GAD2: variants seen among roughly 807,000 people sequenced by gnomAD.
GAD2 encodes the protein 65 kDa glutamic acid decarboxylase.
In GAD2, 22 loss-of-function variants were observed where a neutral mutation model predicts 80.1. That is an observed-to-expected ratio of 0.27 (90% CI 0.20 to 0.39). The LOEUF (loss-of-function observed/expected upper bound fraction) is 0.39, where lower values mean the gene tolerates loss of function less well. Ranked by LOEUF, GAD2 falls within the 10% of genes least tolerant of loss-of-function variation. GAD2 has a pLI of 1.00. For synonymous variants in GAD2, 274 were observed against 256.9 expected (o/e 1.07, Z -0.64); for missense variants, 624 against 738.4 (o/e 0.85, Z 1.80).
intron 7 of GAD2, among the ~76,000 whole-genome samples, chr10:26,244,333 A>G (rs1844780060): frequency 6.6e-6 from 1 of 152,224 alleles, no homozygotes; most frequent in South Asian, 2.1e-4. Flanking sequence ...ATGTTCTTCC[A>G]AAAGTTAAAA....
At chr10:26,263,842 C>T (rs866437062) in intron 8 of GAD2, among the ~76,000 whole-genome samples, 1 of 152,300 alleles carries the variant, frequency 6.6e-6, no homozygotes, top group Non-Finnish European at 1.5e-5. Context: ...ATTGGGGTCA[C>T]TGGACCGCTC....
At chr10:26,263,607 T>C (rs1223640913) in intron 8 of GAD2, among the ~76,000 whole-genome samples, 1 of 152,246 alleles carries the variant, frequency 6.6e-6, no homozygotes, top group Non-Finnish European at 1.5e-5. Context: ...ACGCAGTCTG[T>C]GCAATTTGAA....
intron 7 of GAD2, among the ~76,000 whole-genome samples, chr10:26,241,263 A>G (rs1018252495): frequency 6.6e-6 from 1 of 152,212 alleles, no homozygotes; most frequent in African/African-American, 2.4e-5. Context: ...GCTCATTCCC[A>G]AGCCATTTTA....
At chr10:26,237,943 G>A (rs1844694686) in intron 7 of GAD2, among the ~76,000 whole-genome samples, 1 of 151,110 alleles carries the variant, frequency 6.6e-6, no homozygotes, top group Admixed American at 6.6e-5. Context: ...GGAAGCAAAG[G>A]TTGCAGTGAG....
intron 8 of GAD2, among the ~76,000 whole-genome samples, chr10:26,260,687 T>C (rs1210142059): frequency 1.3e-5 from 2 of 152,136 alleles, no homozygotes; most frequent in African/African-American, 2.4e-5. Context: ...GTGTCTATGC[T>C]GAGTTATGAT....
At chr10:26,280,971 G>A (rs966700202) in intron 11 of GAD2, 38 bp from the exon 12 acceptor site, 1 of 1,501,960 alleles carries the variant, frequency 6.7e-7, no homozygotes, top group South Asian at 1.1e-5. Context: ...GCCTGTCAGG[G>A]TGGAGTGCCA....
At chr10:26,234,052 G>A (rs531194969) in intron 7 of GAD2, among the ~76,000 whole-genome samples, 29 of 152,186 alleles carry the variant, frequency 1.9e-4, no homozygotes, top group African/African-American at 5.8e-4. Flanking sequence ...AGCCGGGTGC[G>A]GTGGCTCACG....
At chr10:26,296,148 C>T (rs577824640) in intron 15 of GAD2, among the ~76,000 whole-genome samples, 1 of 152,276 alleles carries the variant, frequency 6.6e-6, no homozygotes, top group Non-Finnish European at 1.5e-5. Context: ...TGTATCCTCA[C>T]ATGGCAGAAA....
intron 15 of GAD2, among the ~76,000 whole-genome samples, chr10:26,294,077 T>G (rs1834247914): frequency 6.6e-6 from 1 of 152,114 alleles, no homozygotes; most frequent in Non-Finnish European, 1.5e-5. Context: ...CGAAGCGGGG[T>G]ATATGCAGGA....
chr10:26,287,245 G>A (rs1344991278), intron 13 of GAD2, among the ~76,000 whole-genome samples: 1 of 152,114 alleles, frequency 6.6e-6, no homozygotes, highest in African/African-American at 2.4e-5. Flanking sequence ...TTTGTCTCCT[G>A]TAGGAGATAA....
Position 26,273,704 on chromosome 10 carries a change from T to A in GAD2, c.1157+4T>A, listed in dbSNP as rs1485447201. On this transcript the variant is annotated splice_donor_region_variant and intron_variant, in intron 11 of 15. Coordinates refer to ENST00000376261, the MANE Select transcript of GAD2 (RefSeq NM_001134366.2). ...GGAAACTGAGTGGCGTGGAGAGGTA[T>A]GTTGCATTTTTCTTATTAACAACAT... The A allele has an allele frequency of 6.2e-7, 1 of 1,612,352 alleles. No individual in the cohort carries two copies. Among genetic ancestry groups the A allele is most frequent in the Non-Finnish European group, 8.5e-7 (1 of 1,178,816 alleles).
chr10:26,258,877 A>T (rs1194257575), intron 8 of GAD2, among the ~76,000 whole-genome samples: 3 of 151,602 alleles, frequency 2.0e-5, no homozygotes, highest in African/African-American at 7.3e-5. Context: ...GCAATGGCAC[A>T]ATCTTGGCTT....
chr10:26,249,794 C>T (rs1178237916), intron 8 of GAD2, among the ~76,000 whole-genome samples: 2 of 152,228 alleles, frequency 1.3e-5, no homozygotes, highest in Middle Eastern at 3.4e-3. Context: ...ACACTCTGCT[C>T]ACAAGAGAAG....
At position 26,257,908 on chromosome 10, in the gene GAD2, C is replaced by T. The variant is rs1455144239; in HGVS notation, c.921-11211C>T. On this transcript the variant is annotated intron_variant, in intron 8 of 15. Transcript: ENST00000376261. ...TTCGGGTCCTTGGGAAGCTGTTCAG[C>T]GCATTGTAGTGGGATAGACTTCACA... Among the ~76,000 whole-genome samples the T allele has an allele frequency of 3.9e-5, 6 of 152,234 alleles. No homozygotes were observed. In the East Asian group the frequency reaches 7.7e-4, roughly 20 times the overall value.
chr10:26,218,551 T>TCTCTCTCTCACACACACA (rs748110324), intron 3 of GAD2, among the ~76,000 whole-genome samples: 72 of 118,860 alleles, frequency 6.1e-4, no homozygotes, highest in African/African-American at 1.7e-3. Context: ...TCTCTCTCTC[T>TCTCTCTCTCACACACACA]CACACACACA....
chr10:26,277,248 G>A (rs1845219672), intron 11 of GAD2, among the ~76,000 whole-genome samples: 1 of 152,238 alleles, frequency 6.6e-6, no homozygotes, highest in African/African-American at 2.4e-5. Context: ...AACCCGTTTG[G>A]TTGGAGGATG....
chr10:26,278,436 C>T (rs1247283867), intron 11 of GAD2, among the ~76,000 whole-genome samples: 2 of 152,204 alleles, frequency 1.3e-5, no homozygotes, highest in African/African-American at 2.4e-5. Context: ...TATTATTATT[C>T]TCCTTTTCTA....
Position 26,302,519 on chromosome 10 carries a change from T to C in GAD2, c.*1558T>C, listed in dbSNP as rs1448518559. ...ATTCCAAGTGCTGATTGGAGAACAA[T>C]AGATTGATATGCAGACTGCAAATGC... is the stretch of plus-strand genomic sequence containing the variant. On this transcript the variant is annotated 3_prime_UTR_variant, in exon 16 of 16. Transcript: ENST00000376261. 2 of 152,160 alleles carry C rather than the reference T, an allele frequency of 1.3e-5. No homozygotes were observed. The highest frequency in any genetic ancestry group is 4.8e-5 in the African/African-American group (2 of 41,440). The allele number at this position is 152,160 out of a possible 1,614,324, so 9.4% of individuals were successfully genotyped here.
intron 15 of GAD2, among the ~76,000 whole-genome samples, chr10:26,295,902 T>C (rs1325377714): frequency 6.6e-6 from 1 of 152,246 alleles, no homozygotes; most frequent in Non-Finnish European, 1.5e-5. Context: ...CTGTACCATC[T>C]TGCCTGATTC....
Sources: allele counts gnomAD v4.1 joint callset (sites outside exome capture counted in the v4.1 genomes callset), GRCh38; gene constraint gnomAD v4.1.1; transcripts MANE v1.5; gene names NCBI Gene and HGNC (gene_info 2026-07-23, HGNC 2026-07-21).